The following NOTUM variants were observed in gnomAD, a reference collection of about 807,000 sequenced individuals.
NOTUM encodes the protein palmitoleoyl-protein carboxylesterase NOTUM.
In NOTUM, 36 loss-of-function variants were observed where a neutral mutation model predicts 65.5. The observed-to-expected ratio is 0.55, with a 90% CI of 0.42 to 0.73. The LOEUF (loss-of-function observed/expected upper bound fraction) is 0.73, where lower values mean the gene tolerates loss of function less well. NOTUM is among the 30% of genes least tolerant of loss of function. NOTUM has a pLI of 0.00. For missense variants in NOTUM, 659 were observed against 694.2 expected (o/e 0.95, Z 0.57); for synonymous variants, 356 against 297.9 (o/e 1.20, Z -2.01).
At chr17:81,955,258 G>C in intron 9 of NOTUM, 139 bp downstream of exon 9, 2 of 741,070 alleles carry the variant, frequency 2.7e-6, no homozygotes, top group African/African-American at 3.5e-5. Context: ...TGGGATTATA[G>C]GTGTGAGTCA....
At position 81,959,337 on chromosome 17, in the gene NOTUM, C is replaced by T. The variant is rs2041456558; in HGVS notation, c.472+134G>A. 4.3e-6 allele frequency: 3 copies of T among 693,972 alleles called. No homozygotes were observed. In the Admixed American group the frequency reaches 8.0e-5, roughly 19 times the overall value. 43.0% of individuals were successfully genotyped at this position (693,972 alleles called of 1,614,324 possible). On this transcript the variant is annotated intron_variant, in intron 3 of 10. Coordinates refer to ENST00000409678, the MANE Select transcript of NOTUM (RefSeq NM_178493.6). ...CAAAAGGCAAGAGTGAAGGGCGCCC[C>T]TTGCTCTTAGTAAACCCGGGCGCCA...
intron 4 of NOTUM, 57 bp from the exon 5 acceptor site, chr17:81,958,450 A>C: frequency 8.4e-7 from 1 of 1,191,186 alleles, no homozygotes; most frequent in South Asian, 1.2e-5. Flanking sequence ...CAGCCTCCAG[A>C]AAGGACCCCC....
At position 81,959,653 on chromosome 17, in the gene NOTUM, G is replaced by A. The variant is rs2041459164; in HGVS notation, c.363C>T (p.Leu121=). The A allele has an allele frequency of 3.9e-6, 6 of 1,544,030 alleles. No homozygotes were observed. Among genetic ancestry groups the A allele is most frequent in the South Asian group, 1.2e-5 (1 of 83,592 alleles). ...CCCTGGACGCACCTTCCAGGAAGAG[G>A]AGCCACCGCCGGCTGCCCCTGGACT... ...LKESRGSRRW[L]LFLEGGWYCF... Residue 121 remains leucine, a synonymous_variant, in exon 2 of 11, where the codon CTC becomes CTT. Coordinates refer to ENST00000409678, the MANE Select transcript of NOTUM (RefSeq NM_178493.6).
At chr17:81,957,241 C>T (rs556227446) in intron 6 of NOTUM, among the ~76,000 whole-genome samples, 167 bp from the exon 7 acceptor site, 1 of 152,330 alleles carries the variant, frequency 6.6e-6, no homozygotes, top group African/African-American at 2.4e-5. Flanking sequence ...CATGGCCGTC[C>T]CCTCCAGAGC....
In NOTUM at chr17:81,960,649, C is replaced by A; in HGVS notation, c.261G>T (p.Glu87Asp). 1 of 1,574,624 alleles carries A rather than the reference C, an allele frequency of 6.4e-7. No individual in the cohort carries two copies. Residue 87 changes from glutamate to aspartate, a missense_variant, in exon 1 of 11, where the codon GAG becomes GAT. Physicochemically the swap from Glu to Asp is conservative, Grantham distance 45 (BLOSUM62 2). Coordinates refer to ENST00000409678, the MANE Select transcript of NOTUM (RefSeq NM_178493.6). The surrounding 1 kb of genome is among the most constrained non-coding windows in gnomAD (Gnocchi z 6.4). ...LYPCSAQQLN[E>D]DLRLHLLLNT... Reference sequence around the variant, plus strand: ...TGAGTAGGAGGTGCAGGCGCAGGTCCTCGTTGAGCTGCTGCGCGGAGCAGG... The same window carrying A: ...TGAGTAGGAGGTGCAGGCGCAGGTCATCGTTGAGCTGCTGCGCGGAGCAGG...
chr17:81,958,864 C>T lies in NOTUM; in HGVS notation c.533+71G>A, dbSNP rs532502669. 5.8e-6 allele frequency: 7 copies of T among 1,203,344 alleles called. No individual in the cohort carries two copies. The East Asian group carries it at 9.3e-5, about 16-fold the overall frequency. 74.5% of individuals were successfully genotyped at this position (1,203,344 alleles called of 1,614,324 possible). ...AAAGACCATTTCAGAATATGACTTC[C>T]CAAGGAAGGACCCCCCGGGAAGAAC... is the stretch of plus-strand genomic sequence containing the variant. On this transcript the variant is annotated intron_variant, in intron 4 of 10. Coordinates refer to ENST00000409678, the MANE Select transcript of NOTUM (RefSeq NM_178493.6).
intron 8 of NOTUM, 110 bp from the exon 9 acceptor site, chr17:81,955,654 A>T: frequency 1.1e-6 from 1 of 918,164 alleles, no homozygotes; most frequent in South Asian, 1.7e-5. Flanking sequence ...CCCCAGGCTC[A>T]GAGCTCAGCA....
chr17:81,957,495 C>A (rs1212107253), intron 6 of NOTUM, among the ~76,000 whole-genome samples: 6 of 152,126 alleles, frequency 3.9e-5, no homozygotes, highest in Non-Finnish European at 5.9e-5. Context: ...GAGCATTAGT[C>A]CATGGCCAAC....
At position 81,954,275 on chromosome 17, in the gene NOTUM, G is replaced by A. The variant is rs1278089066; in HGVS notation, c.1165C>T (p.His389Tyr). Reference sequence around the variant, plus strand: ...ACTGACCTCCGGATGATGATCTCATGGGAGAGGCAGGCGGGGGCAAAGCTG... The same window carrying A: ...ACTGACCTCCGGATGATGATCTCATAGGAGAGGCAGGCGGGGGCAAAGCTG... ...PASFAPACLS[H>Y]EIIIRSHWTD... The change falls in exon 10 of 11, where the codon CAT becomes TAT. Residue 389 changes from histidine to tyrosine, a missense_variant. Physicochemically the swap from His to Tyr is moderately conservative, Grantham distance 83. Transcript: ENST00000409678. The A allele has an allele frequency of 6.2e-7, 1 of 1,612,818 alleles. No individual in the cohort carries two copies. Among genetic ancestry groups the A allele is most frequent in the Non-Finnish European group, 8.5e-7 (1 of 1,178,916 alleles).
intron 1 of NOTUM, 69 bp from the exon 2 acceptor site, chr17:81,959,761 T>C: frequency 1.0e-6 from 1 of 993,260 alleles, no homozygotes; most frequent in Admixed American, 4.3e-5. Context: ...CGCGCCCAGC[T>C]CCGGCGGAGG....
chr17:81,954,128 C>A, intron 10 of NOTUM, 128 bp downstream of exon 10: 1 of 673,584 alleles, frequency 1.5e-6, no homozygotes, highest in Non-Finnish European at 2.7e-6. Flanking sequence ...CTCTGGCACC[C>A]CTATAAGGAA....
At chr17:81,958,306 T>C in intron 5 of NOTUM, 29 bp downstream of exon 5, 2 of 1,537,862 alleles carry the variant, frequency 1.3e-6, no homozygotes, top group Non-Finnish European at 1.8e-6. Context: ...GTCCCTGCCC[T>C]GCCATGCCCT....
chr17:81,957,318 C>T (rs1256613851), intron 6 of NOTUM, among the ~76,000 whole-genome samples: 2 of 152,238 alleles, frequency 1.3e-5, no homozygotes, highest in Non-Finnish European at 1.5e-5. Flanking sequence ...TCCTCCTCCC[C>T]TTCCTCTCTC....
rs34358248 is a variant in NOTUM, at chr17:81,958,597, C to G, written c.534-204G>C. On this transcript the variant is annotated intron_variant, in intron 4 of 10. Coordinates refer to ENST00000409678, the MANE Select transcript of NOTUM (RefSeq NM_178493.6). ...AACCAACCCAGGACAGGACCCTTTC[C>G]AGGAAAGACCAACTCAGGACAGGAC... 5.6e-3 allele frequency among the ~76,000 whole-genome samples: 849 copies of G among 151,418 alleles called. 1 individual carries two copies. Among genetic ancestry groups the G allele is most frequent in the Non-Finnish European group, 8.2e-3 (560 of 67,924 alleles).
intron 3 of NOTUM, 86 bp from the exon 4 acceptor site, chr17:81,959,081 C>G: frequency 1.8e-6 from 2 of 1,133,204 alleles, no homozygotes; most frequent in South Asian, 2.5e-5. Context: ...TGTTGGGGCT[C>G]CTACTTGGCC....
intron 4 of NOTUM, 106 bp downstream of exon 4, chr17:81,958,829 G>A (rs1256308536): frequency 3.6e-6 from 3 of 836,460 alleles, no homozygotes; most frequent in East Asian, 2.5e-5. Context: ...TCCAGAACAG[G>A]ACCCCCAGGA....
At chr17:81,959,957 T>C (rs1404943321) in intron 1 of NOTUM, 1 of 172,736 alleles carries the variant, frequency 5.8e-6, no homozygotes, top group Admixed American at 6.3e-5. Flanking sequence ...CGCTGTCACC[T>C]CGGCGCGGGC....
intron 4 of NOTUM, 108 bp downstream of exon 4, chr17:81,958,827 A>G (rs1199288386): frequency 1.2e-6 from 1 of 824,686 alleles, no homozygotes; most frequent in East Asian, 2.5e-5. Flanking sequence ...CATCCAGAAC[A>G]GGACCCCCAG....
intron 3 of NOTUM, 71 bp from the exon 4 acceptor site, chr17:81,959,066 T>A (rs1381769384): frequency 2.2e-6 from 3 of 1,347,300 alleles, no homozygotes; most frequent in Non-Finnish European, 3.2e-6. Context: ...GGAACCCTGG[T>A]GAGGTGTTGG....
Sources: gnomAD v4.1 joint callset for allele counts (sites outside exome capture counted in the v4.1 genomes callset) on GRCh38, gnomAD v4.1.1 for gene constraint, Gnocchi (gnomAD v3.1) non-coding constraint, MANE v1.5 for transcripts, NCBI Gene and HGNC (gene_info 2026-07-23, HGNC 2026-07-21) for gene names.